The following PDPK1 variants were observed in gnomAD, a reference collection of about 807,000 sequenced individuals.
The protein encoded by PDPK1 is 3-phosphoinositide dependent protein kinase 1.
In PDPK1, 7 loss-of-function variants were observed where a neutral mutation model predicts 39.8. The ratio of observed to expected loss-of-function variants is 0.18; its 90% confidence interval spans 0.10 to 0.33. PDPK1 has a LOEUF of 0.33. Ranked by LOEUF, PDPK1 falls within the 10% of genes least tolerant of loss-of-function variation. The pLI is 1.00. For missense variants in PDPK1, 182 were observed against 384.7 expected, an observed-to-expected ratio of 0.47 and a Z score of 4.41; for synonymous variants, 118 against 159.1, an observed-to-expected ratio of 0.74 and a Z score of 1.95.
chr16:2,577,661 C>T (rs897289059), intron 7 of PDPK1, among the ~76,000 whole-genome samples, 161 bp downstream of exon 7: 16 of 149,098 alleles, frequency 1.1e-4, no homozygotes, highest in South Asian at 2.1e-4. Flanking sequence ...ACACGTGATG[C>T]GTTAGTGTTG....
rs185114381 is a variant in PDPK1, at chr16:2,539,732, G to C, written c.24+1596G>C. Among the ~76,000 whole-genome samples the C allele has an allele frequency of 1.7e-4, 26 of 152,226 alleles. 1 individual carries two copies. The highest frequency in any genetic ancestry group is 6.2e-4 in the South Asian group (3 of 4,820). ...GGAGGCTGGGGCCGAGAGTTATGTC[G>C]AAGTTTGTGAGGTTAACCTGCACCC... is the stretch of plus-strand genomic sequence containing the variant. On this transcript the variant is annotated intron_variant, in intron 1 of 13. Transcript: ENST00000342085.
In PDPK1 at chr16:2,598,112, G is replaced by T; in HGVS notation, c.*345G>T. On this transcript the variant is annotated 3_prime_UTR_variant, in exon 14 of 14. Transcript: ENST00000342085. ...GACCTGGTGTCACCAGTTTTTCCTA[G>T]CATCAGTCCGAACCATGCGCCCGCC... 1 of 348,040 alleles carries T rather than the reference G, an allele frequency of 2.9e-6. No homozygotes were observed. 21.6% of individuals were successfully genotyped at this position (348,040 alleles called of 1,614,324 possible).
intron 1 of PDPK1, chr16:2,538,372 C>A: frequency 2.6e-6 from 1 of 378,288 alleles, no homozygotes; most frequent in South Asian, 2.0e-5. Context: ...CGCTGACAGA[C>A]GCGCGGAGGG....
intron 1 of PDPK1, among the ~76,000 whole-genome samples, chr16:2,540,249 A>G (rs1007951065): frequency 1.6e-4 from 24 of 152,092 alleles, no homozygotes; most frequent in African/African-American, 5.8e-4. Context: ...GACAGCCAAC[A>G]GGGGGAGCAG....
chr16:2,590,471 A>AG (rs1488507934), intron 11 of PDPK1, among the ~76,000 whole-genome samples: 1 of 152,082 alleles, frequency 6.6e-6, no homozygotes, highest in Admixed American at 6.5e-5. Context: ...TGTGGGATGA[A>AG]GTGGGAAGTA....
At chr16:2,560,522 T>C (rs1362454661) in intron 2 of PDPK1, among the ~76,000 whole-genome samples, 79 of 145,004 alleles carry the variant, frequency 5.4e-4, no homozygotes, top group African/African-American at 1.9e-3. Context: ...TCAGGAGTCC[T>C]GCCCCGATTG....
intron 1 of PDPK1, among the ~76,000 whole-genome samples, chr16:2,541,811 C>G (rs1163657548): frequency 1.3e-5 from 2 of 152,076 alleles, no homozygotes; most frequent in African/African-American, 4.8e-5. Context: ...ATACCATGTC[C>G]TTTAAAAAAT....
At chr16:2,539,209 A>C (rs998656762) in intron 1 of PDPK1, 2 of 164,090 alleles carry the variant, frequency 1.2e-5, no homozygotes, top group African/African-American at 4.9e-5. Context: ...CCTCCTGAGT[A>C]GCTGGGATTA....
In PDPK1 at chr16:2,602,751, G is replaced by C. The variant is rs2067243638; in HGVS notation, c.*4984G>C. The C allele has an allele frequency of 4.3e-6, 1 of 234,700 alleles. No individual in the cohort carries two copies. The highest frequency in any genetic ancestry group is 1.8e-4 in the South Asian group (1 of 5,528). 14.5% of individuals were successfully genotyped at this position (234,700 alleles called of 1,614,324 possible). On this transcript the variant is annotated 3_prime_UTR_variant, in exon 14 of 14. Coordinates refer to ENST00000342085, the MANE Select transcript of PDPK1 (RefSeq NM_002613.5). ...CGTAATATTCTCTACCTGGTCTGTA[G>C]CTGTAACTGTGATGTACAGACAAAG...
At chr16:2,580,343 T>C (rs2066801751) in intron 7 of PDPK1, among the ~76,000 whole-genome samples, 1 of 144,956 alleles carries the variant, frequency 6.9e-6, no homozygotes, top group Non-Finnish European at 1.5e-5. Flanking sequence ...GGAGGAGGTC[T>C]CTTTGCCTGG....
chr16:2,586,663 T>G lies in PDPK1; in HGVS notation c.1126-13T>G. The G allele has an allele frequency of 1.2e-6, 2 of 1,612,682 alleles. No homozygotes were observed. Among genetic ancestry groups the G allele is most frequent in the East Asian group, 2.2e-5 (1 of 44,886 alleles). On this transcript the variant is annotated splice_polypyrimidine_tract_variant and intron_variant, in intron 10 of 13. Transcript: ENST00000342085. ...GTGAAGGTGCGGTTCTCACTTTCCC[T>G]TCTTCTCTGCAGTATGACAATCTCC... is the stretch of plus-strand genomic sequence containing the variant.
chr16:2,595,897 C>CCCCGA, intron 12 of PDPK1, 47 bp downstream of exon 12: 1 of 1,455,324 alleles, frequency 6.9e-7, no homozygotes, highest in South Asian at 1.1e-5. Context: ...CCTGCATCTT[C>CCCCGA]CCCGACTCCA....
chr16:2,538,902 A>G (rs1394737090), intron 1 of PDPK1: 4 of 566,994 alleles, frequency 7.1e-6, no homozygotes, highest in Non-Finnish European at 8.1e-6. Flanking sequence ...TATGTTTTCC[A>G]TATGCTAAGT....
chr16:2,595,900 C>T (rs929541153), intron 12 of PDPK1, 50 bp downstream of exon 12: 22 of 1,429,760 alleles, frequency 1.5e-5, no homozygotes, highest in Non-Finnish European at 2.1e-5. Flanking sequence ...GCATCTTCCC[C>T]GACTCCAGCT....
intron 11 of PDPK1, among the ~76,000 whole-genome samples, chr16:2,588,061 A>C (rs2066913629): frequency 6.6e-6 from 1 of 152,266 alleles, no homozygotes; most frequent in Middle Eastern, 3.4e-3. Context: ...AGGCAGGGAC[A>C]GGACACATGT....
rs79745244 is a variant in PDPK1 at position 2,598,499 on chromosome 16, C to T, written c.*732C>T. 2 of 233,574 alleles carry T rather than the reference C, an allele frequency of 8.6e-6. No individual in the cohort carries two copies. Among genetic ancestry groups the T allele is most frequent in the Admixed American group, 1.1e-4 (2 of 17,782 alleles). 14.5% of individuals were successfully genotyped at this position (233,574 alleles called of 1,614,324 possible). A position where few individuals can be genotyped will look rare whatever the true frequency, so the allele number is the denominator to read the frequency against. ...CATCGAGGGCTCCGGATCCCTTATC[C>T]TACTTAGCAGTGTTGGTCTCTGGGG... On this transcript the variant is annotated 3_prime_UTR_variant, in exon 14 of 14. Transcript: ENST00000342085.
Position 2,597,892 on chromosome 16 carries a change from T to C in PDPK1, c.*125T>C. On this transcript the variant is annotated 3_prime_UTR_variant, in exon 14 of 14. Transcript: ENST00000342085. The surrounding 1 kb of genome is among the most constrained non-coding windows in gnomAD (Gnocchi z 6.3). ...AAGGGGAACGCAGAGGCGGAAACCT[T>C]GCAGCATTTTTATTTAAAAGAAAAG... is the stretch of plus-strand genomic sequence containing the variant. 1 of 605,872 alleles carries C rather than the reference T, an allele frequency of 1.7e-6. No individual in the cohort carries two copies. The highest frequency in any genetic ancestry group is 2.9e-6 in the Non-Finnish European group (1 of 340,146). The allele number at this position is 605,872 out of a possible 1,614,324, so 37.5% of individuals were successfully genotyped here.
In PDPK1 at chr16:2,603,079, C is replaced by CTGTT. The variant is rs989643839; in HGVS notation, c.*5314_*5317dup. On this transcript the variant is annotated 3_prime_UTR_variant, in exon 14 of 14. Coordinates refer to ENST00000342085, the MANE Select transcript of PDPK1 (RefSeq NM_002613.5). ...GATTTAATCATATAATTTAATGAAT[C>CTGTT]TGTTTATCCTTTTTTTTTTTCCAAA... is the stretch of plus-strand genomic sequence containing the variant. 4.0e-5 allele frequency: 9 copies of CTGTT among 226,956 alleles called. No individual in the cohort carries two copies. The highest frequency in any genetic ancestry group is 1.8e-4 in the African/African-American group (8 of 44,540). 14.1% of individuals were successfully genotyped at this position (226,956 alleles called of 1,614,324 possible).
rs994104768 is a variant in PDPK1, at chr16:2,601,786, G to A, written c.*4019G>A. The A allele has an allele frequency of 2.1e-4, 48 of 224,252 alleles. No homozygotes were observed. The highest frequency in any genetic ancestry group is 3.5e-4 in the Admixed American group (6 of 17,076). 13.9% of individuals were successfully genotyped at this position (224,252 alleles called of 1,614,324 possible). ...TTCATTGTAGGGCGTGGTTGTCCCA[G>A]CTGGTGTAGATTTCAGGCCGCCCCC... is the stretch of plus-strand genomic sequence containing the variant. On this transcript the variant is annotated 3_prime_UTR_variant, in exon 14 of 14. Transcript: ENST00000342085.
Sources: gnomAD v4.1 joint callset for allele counts (sites outside exome capture counted in the v4.1 genomes callset) on GRCh38, gnomAD v4.1.1 for gene constraint, Gnocchi (gnomAD v3.1) non-coding constraint, MANE v1.5 for transcripts, NCBI Gene and HGNC (gene_info 2026-07-23, HGNC 2026-07-21) for gene names.